The following TRHDE variants were observed in gnomAD, a reference collection of about 807,000 sequenced individuals.
TRHDE encodes thyrotropin-releasing hormone-degrading ectoenzyme.
TRHDE carries 72 observed loss-of-function variants against 125.7 expected under a neutral mutation model. That is an observed-to-expected ratio of 0.57 (90% CI 0.47 to 0.70). The LOEUF is 0.70. Ranked by LOEUF, TRHDE falls within the 30% of genes least tolerant of loss-of-function variation. TRHDE has a pLI of 0.00. For synonymous variants in TRHDE, 509 were observed against 509.1 expected, an observed-to-expected ratio of 1.00 and a Z score of 0.00; for missense variants, 1,110 against 1,327.1, an observed-to-expected ratio of 0.84 and a Z score of 2.54.
chr12:72,644,830 G>A (rs1281996771), intron 15 of TRHDE, among the ~76,000 whole-genome samples: 2 of 152,172 alleles, frequency 1.3e-5, no homozygotes, highest in Admixed American at 6.5e-5. Flanking sequence ...GCATTCTGAT[G>A]GGCCTGGTGC....
intron 3 of TRHDE, among the ~76,000 whole-genome samples, chr12:72,465,219 T>A (rs186212605): frequency 7.2e-5 from 11 of 152,206 alleles, no homozygotes; most frequent in African/African-American, 1.2e-4. Flanking sequence ...CTTTTTTTTT[T>A]ATTAGCTTCA....
intron 3 of TRHDE, among the ~76,000 whole-genome samples, chr12:72,437,862 A>G (rs1874815395): frequency 6.6e-6 from 1 of 151,860 alleles, no homozygotes; most frequent in Non-Finnish European, 1.5e-5. Context: ...TATACAATAG[A>G]ACTCTTAAAA....
chr12:72,152,051 T>G (rs1246360860), intron 2 of TRHDE, among the ~76,000 whole-genome samples: 1 of 151,948 alleles, frequency 6.6e-6, no homozygotes, highest in East Asian at 1.9e-4. Flanking sequence ...TTCCATTTGT[T>G]TGTATCCTCT....
At chr12:72,514,177 T>G (rs974231082) in intron 6 of TRHDE, among the ~76,000 whole-genome samples, 1 of 152,002 alleles carries the variant, frequency 6.6e-6, no homozygotes, top group African/African-American at 2.4e-5. Flanking sequence ...TCTCAAAAGA[T>G]TTCCACAGAT....
At chr12:72,323,310 G>A (rs536928585) in intron 2 of TRHDE, among the ~76,000 whole-genome samples, 1 of 152,218 alleles carries the variant, frequency 6.6e-6, no homozygotes, top group African/African-American at 2.4e-5. Flanking sequence ...GAATCACCTG[G>A]CAGGGAATAA....
chr12:72,375,233 AG>A (rs1261471906), intron 2 of TRHDE, among the ~76,000 whole-genome samples: 11 of 152,168 alleles, frequency 7.2e-5, no homozygotes, highest in Non-Finnish European at 1.5e-4. Flanking sequence ...GAACCTCTTA[AG>A]AGCAGTAAGT....
intron 2 of TRHDE, among the ~76,000 whole-genome samples, chr12:72,182,610 C>G (rs1235115659): frequency 1.3e-5 from 2 of 152,158 alleles, no homozygotes; most frequent in Non-Finnish European, 2.9e-5. Flanking sequence ...AAAGCAAGAC[C>G]TGCCAGGATA....
At chr12:72,291,204 T>G (rs906775414) in intron 2 of TRHDE, among the ~76,000 whole-genome samples, 2 of 152,216 alleles carry the variant, frequency 1.3e-5, no homozygotes, top group African/African-American at 4.8e-5. Flanking sequence ...TCTGAAGACC[T>G]GTTAACGAAA....
chr12:72,512,451 T>C (rs1878626707), intron 6 of TRHDE, among the ~76,000 whole-genome samples: 2 of 140,046 alleles, frequency 1.4e-5, no homozygotes, highest in South Asian at 4.2e-4. Context: ...TATAATTATA[T>C]AATTATAATA....
intron 15 of TRHDE, among the ~76,000 whole-genome samples, chr12:72,637,626 C>G (rs970179079): frequency 3.3e-5 from 5 of 151,958 alleles, no homozygotes; most frequent in Admixed American, 6.6e-5. Context: ...TTCCTGCTTT[C>G]TCTTGTGGGC....
At chr12:72,155,329 A>G (rs1238555053) in intron 2 of TRHDE, among the ~76,000 whole-genome samples, 2 of 151,934 alleles carry the variant, frequency 1.3e-5, no homozygotes, top group African/African-American at 4.8e-5. Context: ...CTTCTTTGCC[A>G]TGGGTTCGAA....
intron 3 of TRHDE, among the ~76,000 whole-genome samples, chr12:72,381,854 A>G (rs1269955114): frequency 6.6e-6 from 1 of 152,240 alleles, no homozygotes; most frequent in East Asian, 1.9e-4. Context: ...TGACATGTCT[A>G]TTTAACATTT....
chr12:72,451,092 G>A (rs1875547665), intron 3 of TRHDE, among the ~76,000 whole-genome samples: 1 of 151,974 alleles, frequency 6.6e-6, no homozygotes, highest in African/African-American at 2.4e-5. Flanking sequence ...TTTGTTGATT[G>A]TTTCCTTTGC....
At chr12:72,529,629 T>C (rs1868438989) in intron 6 of TRHDE, among the ~76,000 whole-genome samples, 1 of 152,196 alleles carries the variant, frequency 6.6e-6, no homozygotes, top group East Asian at 1.9e-4. Flanking sequence ...AATTAGAAAT[T>C]AGAAACAGTG....
chr12:72,225,567 G>A (rs1331880104), intron 2 of TRHDE, among the ~76,000 whole-genome samples: 1 of 152,026 alleles, frequency 6.6e-6, no homozygotes, highest in Non-Finnish European at 1.5e-5. Flanking sequence ...ATCCCAGTTT[G>A]GAAAAAATAA....
intron 6 of TRHDE, among the ~76,000 whole-genome samples, chr12:72,523,483 T>C (rs945403533): frequency 2.6e-5 from 4 of 152,168 alleles, no homozygotes; most frequent in Non-Finnish European, 5.9e-5. Flanking sequence ...TACTTATAGG[T>C]TCCTAGGGTA....
At chr12:72,505,858 G>A (rs1442625158) in intron 6 of TRHDE, among the ~76,000 whole-genome samples, 2 of 152,144 alleles carry the variant, frequency 1.3e-5, no homozygotes, top group Admixed American at 6.5e-5. Flanking sequence ...TCATCCATTT[G>A]TATCTATCAC....
intron 2 of TRHDE, among the ~76,000 whole-genome samples, chr12:72,367,401 A>G (rs1368671821): frequency 6.6e-6 from 1 of 151,930 alleles, no homozygotes; most frequent in Admixed American, 6.6e-5. Context: ...GGGCTCTGCC[A>G]TTTGCCACTC....
intron 2 of TRHDE, among the ~76,000 whole-genome samples, chr12:72,193,310 G>T (rs1382303709): frequency 6.6e-6 from 1 of 151,496 alleles, no homozygotes; most frequent in Admixed American, 6.6e-5. Flanking sequence ...GGAGGCATTT[G>T]TGCAGTTGTT....
Sources: allele counts gnomAD v4.1 joint callset (sites outside exome capture counted in the v4.1 genomes callset), GRCh38; gene constraint gnomAD v4.1.1; transcripts MANE v1.5; gene names NCBI Gene and HGNC (gene_info 2026-07-23, HGNC 2026-07-21).